The following PLXNA4 variants were observed in gnomAD, a reference collection of about 807,000 sequenced individuals.
The protein encoded by PLXNA4 is plexin-A4.
Under a neutral mutation model 191.8 loss-of-function variants are expected in PLXNA4, and 44 were observed. The observed-to-expected ratio is 0.23, with a 90% CI of 0.18 to 0.29. The LOEUF (loss-of-function observed/expected upper bound fraction) is 0.29, where lower values mean the gene tolerates loss of function less well. Among genes scored for constraint, PLXNA4 ranks in the 10% least tolerant of loss-of-function variants. PLXNA4 has a pLI of 1.00. For synonymous variants in PLXNA4, 1,082 were observed against 1,009.5 expected (o/e 1.07, Z -1.36); for missense variants, 1,800 against 2,488.8 (o/e 0.72, Z 5.89).
intron 2 of PLXNA4, among the ~76,000 whole-genome samples, chr7:132,643,881 G>C (rs1003041839): frequency 9.9e-5 from 15 of 152,030 alleles, no homozygotes; most frequent in Non-Finnish European, 1.8e-4. Flanking sequence ...GAGCCCAGGA[G>C]TTTGAGGCTG....
chr7:132,330,656 C>G (rs936857418), intron 3 of PLXNA4, among the ~76,000 whole-genome samples: 6 of 152,130 alleles, frequency 3.9e-5, no homozygotes, highest in Non-Finnish European at 8.8e-5. Flanking sequence ...AATGGGAACT[C>G]TTAGGGAAAT....
intron 2 of PLXNA4, among the ~76,000 whole-genome samples, chr7:132,489,857 C>A (rs1201627210): frequency 1.3e-5 from 2 of 152,208 alleles, no homozygotes; most frequent in Non-Finnish European, 2.9e-5. Flanking sequence ...GGGCTCCAGG[C>A]CGCTCTGCTC....
intron 9 of PLXNA4, among the ~76,000 whole-genome samples, chr7:132,219,782 T>C (rs914851968): frequency 1.6e-4 from 24 of 152,310 alleles, no homozygotes; most frequent in Middle Eastern, 3.4e-3. Context: ...AAGATTATAA[T>C]ATTGTGTTTT....
At chr7:132,283,923 C>T (rs1800583206) in intron 4 of PLXNA4, among the ~76,000 whole-genome samples, 1 of 152,178 alleles carries the variant, frequency 6.6e-6, no homozygotes, top group Non-Finnish European at 1.5e-5. Flanking sequence ...GCCTGTAATC[C>T]CAGTGCTGTG....
intron 1 of PLXNA4, among the ~76,000 whole-genome samples, chr7:132,551,806 C>T (rs1224498322): frequency 6.6e-6 from 1 of 152,204 alleles, no homozygotes; most frequent in African/African-American, 2.4e-5. Context: ...CCTCTTCACA[C>T]CAGACATCGA....
At chr7:132,315,063 C>T (rs1464929013) in intron 3 of PLXNA4, among the ~76,000 whole-genome samples, 2 of 152,228 alleles carry the variant, frequency 1.3e-5, no homozygotes, top group Non-Finnish European at 1.5e-5. Context: ...ATATTGTGCT[C>T]TTCCTCTGTG....
At chr7:132,331,737 C>G (rs754848333) in intron 3 of PLXNA4, among the ~76,000 whole-genome samples, 1 of 152,174 alleles carries the variant, frequency 6.6e-6, no homozygotes, top group Admixed American at 6.5e-5. Flanking sequence ...AGCACCAGCC[C>G]TCTGTCTCAC....
chr7:132,563,185 TTCCTCCTCCTCCTCTTCC>T (rs1801407774), intron 1 of PLXNA4, among the ~76,000 whole-genome samples: 1 of 30,038 alleles, frequency 3.3e-5, no homozygotes, highest in Admixed American at 3.9e-4. Flanking sequence ...CTCCTTCTCC[TTCCTCCTCCTCCTCTTCC>T]TCCTCCTCCT....
chr7:132,165,017 G>T (rs145860702), intron 23 of PLXNA4, 117 bp downstream of exon 23: 24,964 of 1,424,452 alleles, frequency 0.018, 281 homozygotes, highest in Non-Finnish European at 0.02. Flanking sequence ...TCCATTTCTT[G>T]TGGGGTTATA....
At chr7:132,571,730 G>A (rs994177885) in intron 1 of PLXNA4, among the ~76,000 whole-genome samples, 37 of 152,254 alleles carry the variant, frequency 2.4e-4, no homozygotes, top group African/African-American at 8.7e-4. Flanking sequence ...AGGAAGTGTT[G>A]TTTCCACAAT....
At chr7:132,214,784 G>A (rs2116918505) in intron 9 of PLXNA4, among the ~76,000 whole-genome samples, 1 of 152,220 alleles carries the variant, frequency 6.6e-6, no homozygotes. Flanking sequence ...CTGTAACTGT[G>A]AGAACAAGTC....
chr7:132,561,436 CCCTCCTTCTTGTCCT>C (rs1439903710), intron 1 of PLXNA4, among the ~76,000 whole-genome samples: 11 of 106,432 alleles, frequency 1.0e-4, no homozygotes, highest in African/African-American at 1.9e-4. Flanking sequence ...CTCTTCCTCC[CCCTCCTTCTTGTCCT>C]CCTCCTTCTT....
chr7:132,354,183 G>C (rs960562432), intron 3 of PLXNA4, among the ~76,000 whole-genome samples: 1 of 151,208 alleles, frequency 6.6e-6, no homozygotes, highest in Non-Finnish European at 1.5e-5. Context: ...CCAACAGTGT[G>C]TGCGTGTGTG....
chr7:132,432,904 G>C (rs574360131), intron 3 of PLXNA4, among the ~76,000 whole-genome samples: 9 of 152,224 alleles, frequency 5.9e-5, no homozygotes, highest in African/African-American at 2.2e-4. Flanking sequence ...TTTTCCCGCA[G>C]CATCTCTGCA....
chr7:132,328,496 T>C (rs1014498753), intron 3 of PLXNA4, among the ~76,000 whole-genome samples: 8 of 152,072 alleles, frequency 5.3e-5, no homozygotes, highest in Non-Finnish European at 1.2e-4. Flanking sequence ...GCCCCACACC[T>C]CCACCACCTC....
At chr7:132,200,637 C>G (rs1343816890) in intron 12 of PLXNA4, among the ~76,000 whole-genome samples, 1 of 152,230 alleles carries the variant, frequency 6.6e-6, no homozygotes, top group Non-Finnish European at 1.5e-5. Context: ...CCCCAAGGGG[C>G]TGCTTTGCTG....
chr7:132,164,893 G>A (rs1201895638), intron 23 of PLXNA4, among the ~76,000 whole-genome samples: 2 of 152,234 alleles, frequency 1.3e-5, no homozygotes, highest in Non-Finnish European at 2.9e-5. Flanking sequence ...GCCTCTCAGG[G>A]CTCATCTATC....
chr7:132,489,501 A>G (rs1275410637), intron 2 of PLXNA4, 27 bp from the exon 3 acceptor site: 3 of 1,518,250 alleles, frequency 2.0e-6, no homozygotes, highest in East Asian at 4.6e-5. Flanking sequence ...GAGAAAAATT[A>G]GAAGGGAGCG....
intron 3 of PLXNA4, among the ~76,000 whole-genome samples, chr7:132,395,197 G>A (rs1793707123): frequency 6.6e-6 from 1 of 151,750 alleles, no homozygotes. Flanking sequence ...TGGAGTGGAA[G>A]TCACAGCCTG....
Sources: allele counts gnomAD v4.1 joint callset (sites outside exome capture counted in the v4.1 genomes callset), GRCh38; gene constraint gnomAD v4.1.1; transcripts MANE v1.5; gene names NCBI Gene and HGNC (gene_info 2026-07-23, HGNC 2026-07-21).